SHC4: variants seen among roughly 807,000 people sequenced by gnomAD.
SHC4 encodes the protein SHC-transforming protein 4.
A neutral mutation model predicts 69.4 loss-of-function variants in SHC4; 41 were observed. The observed-to-expected ratio is 0.59, with a 90% CI of 0.46 to 0.77. The LOEUF (loss-of-function observed/expected upper bound fraction) is 0.77. SHC4 is among the 30% of genes least tolerant of loss of function. SHC4 has a pLI of 0.00. For synonymous variants in SHC4, 318 were observed against 299.3 expected, an observed-to-expected ratio of 1.06 and a Z score of -0.64; for missense variants, 777 against 783.8, an observed-to-expected ratio of 0.99 and a Z score of 0.10.
In SHC4 at chr15:48,903,084, T is replaced by C. The variant is rs117431916; in HGVS notation, c.657-12273A>G. Among the ~76,000 whole-genome samples the C allele has an allele frequency of 5.0e-3, 761 of 152,316 alleles. 3 individuals are homozygous for C. Among genetic ancestry groups the C allele is most frequent in the Non-Finnish European group, 7.6e-3 (520 of 68,024 alleles). On this transcript the variant is annotated intron_variant, in intron 2 of 11. Coordinates refer to ENST00000332408, the MANE Select transcript of SHC4 (RefSeq NM_203349.4). ...TGGATCAAAAACACCCATTTTTTAATTGTTCAAACATACACTACAGTACAC... is the reference window on the plus strand; with the variant it reads ...TGGATCAAAAACACCCATTTTTTAACTGTTCAAACATACACTACAGTACAC...
chr15:48,872,521 C>A (rs1212221086), intron 4 of SHC4, among the ~76,000 whole-genome samples: 1 of 152,208 alleles, frequency 6.6e-6, no homozygotes, highest in African/African-American at 2.4e-5. Context: ...CCATATTATG[C>A]TGCCATGTGA....
chr15:48,826,625 C>T (rs76615606), intron 11 of SHC4, among the ~76,000 whole-genome samples: 2,873 of 152,232 alleles, frequency 0.019, 42 homozygotes, highest in Non-Finnish European at 0.029. Context: ...GCACTTGTCA[C>T]CCAATCCAAA....
chr15:48,855,761 T>C (rs960482689), intron 8 of SHC4, among the ~76,000 whole-genome samples, 192 bp downstream of exon 8: 1 of 152,130 alleles, frequency 6.6e-6, no homozygotes, highest in Non-Finnish European at 1.5e-5. Flanking sequence ...GATCATCTGC[T>C]GAGGCTACAA....
At chr15:48,880,993 T>TGG (rs964100977) in intron 4 of SHC4, among the ~76,000 whole-genome samples, 11 of 105,328 alleles carry the variant, frequency 1.0e-4, no homozygotes, top group African/African-American at 3.9e-4. Flanking sequence ...AGAGTGTGTG[T>TGG]GTGTGTGTGT....
chr15:48,963,354 G>A lies in SHC4; in HGVS notation c.-339C>T, dbSNP rs946380348. 2.1e-5 allele frequency: 6 copies of A among 280,970 alleles called. No individual in the cohort carries two copies. Among genetic ancestry groups the A allele is most frequent in the Non-Finnish European group, 4.0e-5 (6 of 149,490 alleles). 17.4% of individuals were successfully genotyped at this position (280,970 alleles called of 1,614,324 possible). On this transcript the variant is annotated 5_prime_UTR_variant, in exon 1 of 12. Coordinates refer to ENST00000332408, the MANE Select transcript of SHC4 (RefSeq NM_203349.4). ...TAGGCGCAGAACCCGGGCGAGCGCCGGTCGGGGGGCCCGCTGCATCACTAG... is the reference window on the plus strand; with the variant it reads ...TAGGCGCAGAACCCGGGCGAGCGCCAGTCGGGGGGCCCGCTGCATCACTAG...
intron 8 of SHC4, among the ~76,000 whole-genome samples, chr15:48,853,366 T>C (rs866344433): frequency 6.6e-6 from 1 of 152,220 alleles, no homozygotes; most frequent in Admixed American, 6.5e-5. Context: ...TCCATGCTTA[T>C]GGATTGGAAG....
At chr15:48,944,369 T>C (rs182595961) in intron 1 of SHC4, among the ~76,000 whole-genome samples, 1 of 152,098 alleles carries the variant, frequency 6.6e-6, no homozygotes, top group African/African-American at 2.4e-5. Context: ...TGTGAGAGGA[T>C]GTTATTGGGT....
intron 4 of SHC4, chr15:48,879,606 A>T (rs1899900355): frequency 1.2e-5 from 2 of 167,094 alleles, no homozygotes; most frequent in African/African-American, 4.8e-5. Context: ...TATTGTAAGA[A>T]CTGTTAATAA....
chr15:48,878,091 C>G, intron 4 of SHC4: 1 of 1,491,538 alleles, frequency 6.7e-7, no homozygotes, highest in Non-Finnish European at 8.9e-7. Flanking sequence ...CGCAAGCGCG[C>G]AGCCTTTGCG....
chr15:48,901,761 T>C (rs1052962603), intron 2 of SHC4, among the ~76,000 whole-genome samples: 28 of 152,226 alleles, frequency 1.8e-4, no homozygotes, highest in Admixed American at 6.5e-5. Context: ...TCTTACAATC[T>C]CTGTCACCCT....
chr15:48,934,784 G>C (rs942001353), intron 1 of SHC4, among the ~76,000 whole-genome samples: 1 of 152,172 alleles, frequency 6.6e-6, no homozygotes, highest in Non-Finnish European at 1.5e-5. Flanking sequence ...ATCAAGTATT[G>C]ATACATGCTG....
intron 11 of SHC4, among the ~76,000 whole-genome samples, chr15:48,829,157 A>C (rs1204782130): frequency 1.3e-5 from 2 of 152,188 alleles, no homozygotes; most frequent in African/African-American, 4.8e-5. Context: ...GTTATCTAAC[A>C]TAATCTATTC....
At chr15:48,888,524 TTC>T (rs1900077809) in intron 3 of SHC4, among the ~76,000 whole-genome samples, 1 of 151,900 alleles carries the variant, frequency 6.6e-6, no homozygotes. Flanking sequence ...ATCAAAAGAG[TTC>T]TAAAGATGGA....
chr15:48,894,446 G>A (rs533638079), intron 2 of SHC4, among the ~76,000 whole-genome samples: 3 of 152,276 alleles, frequency 2.0e-5, no homozygotes, highest in African/African-American at 4.8e-5. Context: ...TGAGGCAAAG[G>A]TGTTGAGATG....
intron 9 of SHC4, among the ~76,000 whole-genome samples, chr15:48,850,278 C>G (rs1053064283): frequency 1.3e-5 from 2 of 151,980 alleles, no homozygotes; most frequent in African/African-American, 4.8e-5. Flanking sequence ...AGGTTCACTA[C>G]TCCGTTTACA....
intron 2 of SHC4, among the ~76,000 whole-genome samples, chr15:48,915,107 A>C (rs1350877003): frequency 6.6e-6 from 1 of 152,214 alleles, no homozygotes; most frequent in Non-Finnish European, 1.5e-5. Context: ...CATATTATGG[A>C]TATTAATCCC....
chr15:48,905,905 T>C (rs1900397620), intron 2 of SHC4, among the ~76,000 whole-genome samples: 1 of 152,216 alleles, frequency 6.6e-6, no homozygotes, highest in Non-Finnish European at 1.5e-5. Context: ...TATGGATAAA[T>C]TAGCAGGCCC....
intron 1 of SHC4, among the ~76,000 whole-genome samples, chr15:48,948,816 G>A (rs1901319321): frequency 6.6e-6 from 1 of 152,120 alleles, no homozygotes; most frequent in African/African-American, 2.4e-5. Context: ...TTAGGTGGGA[G>A]GATGGCTTGA....
At chr15:48,894,050 C>G (rs1023278068) in intron 2 of SHC4, among the ~76,000 whole-genome samples, 1 of 152,136 alleles carries the variant, frequency 6.6e-6, no homozygotes, top group Non-Finnish European at 1.5e-5. Flanking sequence ...AGAAACACTT[C>G]AAGTAAGAAA....
Sources: gnomAD v4.1 joint callset for allele counts (sites outside exome capture counted in the v4.1 genomes callset) on GRCh38, gnomAD v4.1.1 for gene constraint, MANE v1.5 for transcripts, NCBI Gene and HGNC (gene_info 2026-07-23, HGNC 2026-07-21) for gene names.